Variants in CHSY3 observed in about 807,000 individuals in gnomAD.
The protein encoded by CHSY3 is chondroitin sulfate synthase 3.
In CHSY3, 35 loss-of-function variants were observed where a neutral mutation model predicts 67.2. That is an observed-to-expected ratio of 0.52 (90% CI 0.40 to 0.69). The LOEUF (loss-of-function observed/expected upper bound fraction) is 0.69. Among genes scored for constraint, CHSY3 ranks in the 30% least tolerant of loss-of-function variants. The pLI is 0.00. For missense variants in CHSY3, 1,069 were observed against 1,138.5 expected (o/e 0.94, Z 0.88); for synonymous variants, 474 against 434.7 (o/e 1.09, Z -1.12).
At chr5:129,990,365 T>TGTGA (rs1293847390) in intron 2 of CHSY3, among the ~76,000 whole-genome samples, 24 of 85,898 alleles carry the variant, frequency 2.8e-4, no homozygotes, top group African/African-American at 1.1e-3. Flanking sequence ...GCTGAAGTGG[T>TGTGA]GTGAGTGAGT....
chr5:130,044,885 G>C (rs1359720199), intron 2 of CHSY3, among the ~76,000 whole-genome samples: 2 of 152,124 alleles, frequency 1.3e-5, no homozygotes, highest in Non-Finnish European at 2.9e-5. Flanking sequence ...TACTTCAATA[G>C]ATCTTCAAGG....
chr5:130,143,760 G>A (rs1480354268), intron 2 of CHSY3, among the ~76,000 whole-genome samples: 31 of 93,744 alleles, frequency 3.3e-4, no homozygotes, highest in Admixed American at 1.3e-3. Context: ...ATATATATGT[G>A]TGTGTGTGTA....
intron 2 of CHSY3, chr5:130,001,342 G>A: frequency 1.5e-6 from 1 of 685,394 alleles, no homozygotes; most frequent in Non-Finnish European, 1.8e-6. Context: ...GGGGCTTGGT[G>A]GAATTCTTTC....
intron 2 of CHSY3, among the ~76,000 whole-genome samples, chr5:129,970,797 A>G (rs1394353388): frequency 2.6e-5 from 4 of 151,932 alleles, no homozygotes; most frequent in African/African-American, 9.7e-5. Context: ...AAACTATGCT[A>G]CCAGAAGCCA....
At chr5:129,987,120 T>C (rs148071188) in intron 2 of CHSY3, among the ~76,000 whole-genome samples, 26 of 152,278 alleles carry the variant, frequency 1.7e-4, no homozygotes, top group African/African-American at 6.3e-4. Flanking sequence ...TATTAGACCT[T>C]GATATTTAGA....
chr5:130,171,782 T>C (rs1286222311), intron 2 of CHSY3, among the ~76,000 whole-genome samples: 1 of 151,992 alleles, frequency 6.6e-6, no homozygotes, highest in Non-Finnish European at 1.5e-5. Context: ...AAGACTGAAC[T>C]AACTAATTAA....
At chr5:130,109,394 G>GT (rs1767518724) in intron 2 of CHSY3, among the ~76,000 whole-genome samples, 2 of 151,606 alleles carry the variant, frequency 1.3e-5, no homozygotes, top group Admixed American at 1.3e-4. Context: ...TGAAAACACT[G>GT]TGACCCTACC....
intron 2 of CHSY3, among the ~76,000 whole-genome samples, chr5:130,028,894 CTT>C (rs1764630660): frequency 2.0e-5 from 3 of 151,962 alleles, no homozygotes; most frequent in Non-Finnish European, 2.9e-5. Flanking sequence ...CTCTCTGCCT[CTT>C]TGTCTCTCCC....
chr5:129,911,443 AAG>A (rs776276596), intron 2 of CHSY3, among the ~76,000 whole-genome samples: 1 of 152,178 alleles, frequency 6.6e-6, no homozygotes, highest in Non-Finnish European at 1.5e-5. Context: ...TGGAGATTTT[AAG>A]AGTGTTTATC....
intron 2 of CHSY3, among the ~76,000 whole-genome samples, chr5:130,091,822 G>T (rs893330936): frequency 2.6e-5 from 4 of 152,114 alleles, no homozygotes; most frequent in Admixed American, 2.6e-4. Context: ...TGACCTCTTT[G>T]CAGAGTTAAT....
At chr5:129,994,474 A>G (rs1763468603) in intron 2 of CHSY3, among the ~76,000 whole-genome samples, 1 of 152,034 alleles carries the variant, frequency 6.6e-6, no homozygotes, top group African/African-American at 2.4e-5. Flanking sequence ...ATCTTCCATC[A>G]CTGATACCCT....
At chr5:129,914,414 A>G (rs1014228650) in intron 2 of CHSY3, among the ~76,000 whole-genome samples, 1 of 152,182 alleles carries the variant, frequency 6.6e-6, no homozygotes, top group African/African-American at 2.4e-5. Flanking sequence ...CGCCCAGCCA[A>G]ATTTCCCTCT....
chr5:129,970,542 A>T (rs754675506), intron 2 of CHSY3, among the ~76,000 whole-genome samples: 3 of 151,930 alleles, frequency 2.0e-5, no homozygotes, highest in Non-Finnish European at 2.9e-5. Flanking sequence ...GATCAGTGGT[A>T]AGGAATAGAT....
chr5:129,920,209 C>A (rs1480752875), intron 2 of CHSY3, among the ~76,000 whole-genome samples: 3 of 152,122 alleles, frequency 2.0e-5, no homozygotes, highest in Non-Finnish European at 4.4e-5. Context: ...CAGTGGTCCT[C>A]CACTAATCCA....
At chr5:130,049,125 ATT>A (rs1376466821) in intron 2 of CHSY3, among the ~76,000 whole-genome samples, 1 of 152,034 alleles carries the variant, frequency 6.6e-6, no homozygotes, top group Admixed American at 6.6e-5. Flanking sequence ...AACATTTATA[ATT>A]TGGCTCTAAG....
At chr5:130,145,371 G>T (rs1459794630) in intron 2 of CHSY3, among the ~76,000 whole-genome samples, 4 of 152,182 alleles carry the variant, frequency 2.6e-5, no homozygotes, top group South Asian at 2.1e-4. Context: ...AATAAATGTT[G>T]CTGGGAAAAT....
chr5:129,916,626 A>G (rs1456011926), intron 2 of CHSY3, among the ~76,000 whole-genome samples: 2 of 152,356 alleles, frequency 1.3e-5, no homozygotes, highest in South Asian at 2.1e-4. Flanking sequence ...ATCTCATAAA[A>G]TATGAAAAAA....
intron 2 of CHSY3, among the ~76,000 whole-genome samples, chr5:129,976,358 G>A (rs1466998717): frequency 6.6e-6 from 1 of 152,150 alleles, no homozygotes; most frequent in Non-Finnish European, 1.5e-5. Context: ...AGTCCAAAGT[G>A]AAGAGCTAAG....
chr5:129,982,044 T>C (rs920558999), intron 2 of CHSY3, among the ~76,000 whole-genome samples: 1 of 152,216 alleles, frequency 6.6e-6, no homozygotes, highest in African/African-American at 2.4e-5. Flanking sequence ...CTGAGACAGA[T>C]ATGAATTGGT....
Sources: allele counts gnomAD v4.1 joint callset (sites outside exome capture counted in the v4.1 genomes callset), GRCh38; gene constraint gnomAD v4.1.1; transcripts MANE v1.5; gene names NCBI Gene and HGNC (gene_info 2026-07-23, HGNC 2026-07-21).